LDB2: variants seen among roughly 807,000 people sequenced by gnomAD.
LDB2 encodes the protein LIM domain-binding protein 2.
LDB2 carries 12 observed loss-of-function variants against 44.3 expected under a neutral mutation model. That is an observed-to-expected ratio of 0.27 (90% CI 0.17 to 0.44). LDB2 has a LOEUF of 0.44. LDB2 is among the 20% of genes least tolerant of loss of function. The probability of loss-of-function intolerance (pLI) is 1.00; values close to 1 mark genes in which losing one functional copy is unlikely to be tolerated. For missense variants in LDB2, 344 were observed against 473.5 expected (o/e 0.73, Z 2.54); for synonymous variants, 164 against 174.8 (o/e 0.94, Z 0.49).
chr4:16,553,996 ATCTC>A (rs1330794950), intron 5 of LDB2, among the ~76,000 whole-genome samples: 2 of 151,420 alleles, frequency 1.3e-5, no homozygotes, highest in Admixed American at 6.6e-5. Context: ...CATCCTCTAG[ATCTC>A]TCTCTCTTCC....
intron 2 of LDB2, among the ~76,000 whole-genome samples, chr4:16,749,596 A>G (rs1306073572): frequency 7.6e-5 from 11 of 145,534 alleles, no homozygotes; most frequent in Non-Finnish European, 1.7e-4. Context: ...AAAAATATAT[A>G]TATATATATA....
chr4:16,854,485 C>T (rs1788923273), intron 1 of LDB2, among the ~76,000 whole-genome samples: 1 of 133,150 alleles, frequency 7.5e-6, no homozygotes, highest in African/African-American at 2.8e-5. Context: ...TTTTATTTTC[C>T]TGTGCATTTA....
At chr4:16,815,605 C>T (rs1284989436) in intron 1 of LDB2, among the ~76,000 whole-genome samples, 1 of 152,144 alleles carries the variant, frequency 6.6e-6, no homozygotes, top group East Asian at 1.9e-4. Context: ...GCCTTTTCCA[C>T]CTCTCCTCTT....
intron 5 of LDB2, among the ~76,000 whole-genome samples, chr4:16,519,158 C>G (rs1001512011): frequency 2.6e-5 from 4 of 152,086 alleles, no homozygotes; most frequent in African/African-American, 9.7e-5. Flanking sequence ...TAGGTATACT[C>G]AAATATTTGT....
At chr4:16,838,065 T>C (rs1435575380) in intron 1 of LDB2, among the ~76,000 whole-genome samples, 1 of 152,234 alleles carries the variant, frequency 6.6e-6, no homozygotes, top group Non-Finnish European at 1.5e-5. Flanking sequence ...TTGGCAGTCG[T>C]GAAAGCTTGA....
At chr4:16,818,507 G>C (rs548966520) in intron 1 of LDB2, among the ~76,000 whole-genome samples, 1 of 152,090 alleles carries the variant, frequency 6.6e-6, no homozygotes, top group Non-Finnish European at 1.5e-5. Flanking sequence ...TGAATTTGTT[G>C]ATCATTTGTT....
At position 16,719,445 on chromosome 4, in the gene LDB2, G is replaced by A. The variant is rs565767187; in HGVS notation, c.235+39713C>T. On this transcript the variant is annotated intron_variant, in intron 2 of 7. Coordinates refer to ENST00000304523, the MANE Select transcript of LDB2 (RefSeq NM_001290.5). The stretch of plus-strand genomic sequence containing the variant: ...CACAGAGGATGACCATCCCTTTGAC[G>A]CTTGTTCTTTGAGAAGGCCTTCTGT... 2.2e-4 allele frequency among the ~76,000 whole-genome samples: 33 copies of A among 152,076 alleles called. 1 individual carries two copies. In the South Asian group the frequency reaches 5.8e-3, roughly 27 times the overall value.
chr4:16,663,117 C>T (rs1316924966), intron 2 of LDB2, among the ~76,000 whole-genome samples: 2 of 152,062 alleles, frequency 1.3e-5, no homozygotes, highest in Non-Finnish European at 2.9e-5. Flanking sequence ...TTGAATACTT[C>T]CTTTGGTTCT....
chr4:16,618,446 A>G (rs942378318), intron 2 of LDB2, among the ~76,000 whole-genome samples: 171 of 152,160 alleles, frequency 1.1e-3, no homozygotes, highest in Non-Finnish European at 3.8e-4. Flanking sequence ...AATAAGAGTG[A>G]TGCCTTGTAT....
intron 4 of LDB2, 49 bp downstream of exon 4, chr4:16,588,661 A>G (rs778810128): frequency 2.5e-6 from 4 of 1,595,076 alleles, no homozygotes; most frequent in African/African-American, 2.7e-5. Context: ...GAGTGAAATG[A>G]AGGAGGAAAA....
intron 5 of LDB2, among the ~76,000 whole-genome samples, chr4:16,578,217 G>A (rs1712610450): frequency 6.6e-6 from 1 of 152,112 alleles, no homozygotes; most frequent in South Asian, 2.1e-4. Flanking sequence ...GTCACATCAA[G>A]TTAAAAACTT....
At chr4:16,642,189 A>T (rs535812568) in intron 2 of LDB2, among the ~76,000 whole-genome samples, 1 of 152,320 alleles carries the variant, frequency 6.6e-6, no homozygotes, top group African/African-American at 2.4e-5. Flanking sequence ...GGAAATTCAT[A>T]GCAGTCCTAG....
chr4:16,802,226 C>T (rs914326453), intron 1 of LDB2, among the ~76,000 whole-genome samples: 1 of 152,200 alleles, frequency 6.6e-6, no homozygotes, highest in African/African-American at 2.4e-5. Flanking sequence ...CTCCATCCCT[C>T]CTAGACTCTT....
At chr4:16,874,085 C>T (rs902326151) in intron 1 of LDB2, among the ~76,000 whole-genome samples, 1 of 152,066 alleles carries the variant, frequency 6.6e-6, no homozygotes, top group Non-Finnish European at 1.5e-5. Context: ...TGCTTTTTGA[C>T]TGTTACGAAC....
intron 5 of LDB2, among the ~76,000 whole-genome samples, chr4:16,549,707 A>C (rs557075233): frequency 4.6e-5 from 7 of 152,198 alleles, no homozygotes; most frequent in African/African-American, 1.7e-4. Flanking sequence ...AGTGTATACT[A>C]TCTGCCCCTG....
At chr4:16,888,833 G>T in intron 1 of LDB2, 1 of 528,812 alleles carries the variant, frequency 1.9e-6, no homozygotes, top group Non-Finnish European at 2.4e-6. Flanking sequence ...GGAAATTGAG[G>T]CTCAGAAAAT....
chr4:16,644,375 G>A (rs780725994), intron 2 of LDB2, among the ~76,000 whole-genome samples: 9 of 151,090 alleles, frequency 6.0e-5, no homozygotes, highest in Non-Finnish European at 8.8e-5. Flanking sequence ...TGTCCATTTC[G>A]TTTTTCATGA....
intron 5 of LDB2, among the ~76,000 whole-genome samples, chr4:16,550,504 C>A (rs982187237): frequency 6.6e-6 from 1 of 152,088 alleles, no homozygotes; most frequent in African/African-American, 2.4e-5. Flanking sequence ...TTTGTATTTC[C>A]AAGACATTTT....
intron 5 of LDB2, among the ~76,000 whole-genome samples, chr4:16,535,003 A>T (rs558366524): frequency 6.6e-6 from 1 of 152,148 alleles, no homozygotes; most frequent in East Asian, 1.9e-4. Context: ...GCCAGTCTCA[A>T]CTCTCCCCAA....
Sources: allele counts gnomAD v4.1 joint callset (sites outside exome capture counted in the v4.1 genomes callset), GRCh38; gene constraint gnomAD v4.1.1; transcripts MANE v1.5; gene names NCBI Gene and HGNC (gene_info 2026-07-23, HGNC 2026-07-21).